Variants in PPP3CC observed in about 807,000 individuals in gnomAD.
PPP3CC encodes the protein serine/threonine-protein phosphatase 2B catalytic subunit gamma isoform.
PPP3CC carries 35 observed loss-of-function variants against 60.3 expected under a neutral mutation model. That is an observed-to-expected ratio of 0.58 (90% CI 0.44 to 0.77). PPP3CC has a LOEUF of 0.77. Among genes scored for constraint, PPP3CC ranks in the 30% least tolerant of loss-of-function variants. PPP3CC has a pLI of 0.00. For synonymous variants in PPP3CC, 206 were observed against 224.3 expected (o/e 0.92, Z 0.73); for missense variants, 570 against 628.9 (o/e 0.91, Z 1.00).
intron 4 of PPP3CC, among the ~76,000 whole-genome samples, chr8:22,509,802 AT>A (rs1179088394): frequency 6.6e-6 from 1 of 152,172 alleles, no homozygotes; most frequent in Non-Finnish European, 1.5e-5. Context: ...CCTGGGCTCA[AT>A]CTATCCTCCC....
At chr8:22,489,564 C>CAT (rs957245092) in intron 3 of PPP3CC, among the ~76,000 whole-genome samples, 56 of 142,404 alleles carry the variant, frequency 3.9e-4, no homozygotes, top group African/African-American at 8.2e-4. Context: ...AGAGGTACAG[C>CAT]ATATATATAT....
At chr8:22,528,677 TAA>T (rs2117137729) in intron 10 of PPP3CC, 100 bp downstream of exon 10, 1 of 885,400 alleles carries the variant, frequency 1.1e-6, no homozygotes, top group African/African-American at 1.7e-5. Context: ...TTATTAAAAA[TAA>T]AGTTAGTTCA....
chr8:22,475,516 T>C lies in PPP3CC; in HGVS notation c.264T>C (p.His88=). The C allele has an allele frequency of 8.7e-6, 14 of 1,610,386 alleles. No homozygotes were observed. The highest frequency in any genetic ancestry group is 1.2e-5 in the Non-Finnish European group (14 of 1,177,878). ...DAPITVCGDI[H]GQFFDLMKLF... is the part of the protein sequence containing the mutation. ...TTTTCCTAGTATGTGGTGATATTCA[T>C]GGACAATTCTTTGACCTAATGAAGT... Residue 88 remains histidine, a synonymous_variant, in exon 3 of 14, where the codon CAT becomes CAC. Coordinates refer to ENST00000240139, the MANE Select transcript of PPP3CC (RefSeq NM_005605.5).
At chr8:22,536,293 AG>A (rs1291992233) in intron 12 of PPP3CC, among the ~76,000 whole-genome samples, 1 of 152,220 alleles carries the variant, frequency 6.6e-6, no homozygotes, top group Admixed American at 6.5e-5. Flanking sequence ...AGATATTCCG[AG>A]AGCAACTCTG....
At chr8:22,516,842 C>T (rs992850933) in intron 6 of PPP3CC, among the ~76,000 whole-genome samples, 1 of 152,000 alleles carries the variant, frequency 6.6e-6, no homozygotes, top group African/African-American at 2.4e-5. Flanking sequence ...TGTGGTATGT[C>T]TTACAGAGAA....
At chr8:22,450,148 C>T (rs1047382239) in intron 1 of PPP3CC, among the ~76,000 whole-genome samples, 3 of 152,038 alleles carry the variant, frequency 2.0e-5, no homozygotes, top group Non-Finnish European at 4.4e-5. Context: ...GGATTACAGG[C>T]GTGAGCCACC....
rs1839844042 is a variant in PPP3CC at position 22,536,316 on chromosome 8, A to G, written c.1322-3153A>G. 2.0e-5 allele frequency among the ~76,000 whole-genome samples: 3 copies of G among 152,238 alleles called. No individual in the cohort carries two copies. The South Asian group carries it at 6.2e-4, about 32-fold the overall frequency. The stretch of plus-strand genomic sequence containing the variant: ...CGAGAGCAACTCTGACAACAAAGAT[A>G]GAGTAATAGGCAGTAACATGAGTTA... On this transcript the variant is annotated intron_variant, in intron 12 of 13. Transcript: ENST00000240139.
At chr8:22,464,331 A>G (rs886393531) in intron 1 of PPP3CC, among the ~76,000 whole-genome samples, 7 of 152,196 alleles carry the variant, frequency 4.6e-5, no homozygotes, top group Non-Finnish European at 8.8e-5. Context: ...GCCATTTATT[A>G]TAAACCCAAA....
intron 8 of PPP3CC, among the ~76,000 whole-genome samples, chr8:22,524,979 C>G (rs1839500095): frequency 6.6e-6 from 1 of 152,118 alleles, no homozygotes; most frequent in African/African-American, 2.4e-5. Context: ...GTGACCCCAT[C>G]TTTACAAAGA....
intron 1 of PPP3CC, among the ~76,000 whole-genome samples, chr8:22,449,965 CA>C (rs1836959314): frequency 6.7e-6 from 1 of 150,028 alleles, no homozygotes; most frequent in Non-Finnish European, 1.5e-5. Context: ...CTCCCGGGTT[CA>C]AGTGATTATC....
intron 6 of PPP3CC, among the ~76,000 whole-genome samples, chr8:22,514,847 T>G (rs1489299121): frequency 6.6e-6 from 1 of 152,040 alleles, no homozygotes; most frequent in African/African-American, 2.4e-5. Context: ...GCCTGGCTAA[T>G]TTTTGTGTTT....
intron 4 of PPP3CC, among the ~76,000 whole-genome samples, chr8:22,508,587 G>T (rs1838993972): frequency 6.6e-6 from 1 of 152,090 alleles, no homozygotes; most frequent in Non-Finnish European, 1.5e-5. Context: ...GTAGGCTAAG[G>T]AATTATTTTG....
At chr8:22,527,721 C>A (rs1307797437) in intron 9 of PPP3CC, among the ~76,000 whole-genome samples, 1 of 151,928 alleles carries the variant, frequency 6.6e-6, no homozygotes. Flanking sequence ...CTACAACCTC[C>A]GCCTCCCAGG....
chr8:22,454,341 A>G (rs1837126518), intron 1 of PPP3CC, among the ~76,000 whole-genome samples: 1 of 152,182 alleles, frequency 6.6e-6, no homozygotes, highest in African/African-American at 2.4e-5. Context: ...GAAGGTCTTC[A>G]GGGGAATTAA....
chr8:22,455,561 G>C (rs1470572490), intron 1 of PPP3CC, among the ~76,000 whole-genome samples: 1 of 152,208 alleles, frequency 6.6e-6, no homozygotes, highest in Non-Finnish European at 1.5e-5. Flanking sequence ...GAGTAATAAA[G>C]ATAGTTGGTG....
chr8:22,447,164 G>A lies in PPP3CC; in HGVS notation c.49+5706G>A, dbSNP rs140819683. On this transcript the variant is annotated intron_variant, in intron 1 of 13. Transcript: ENST00000240139. ...AACCACAGGCATAGCATACGCCACC[G>A]TGTCCAACTAATTTTTTTTTTTTTT... 1.9e-3 allele frequency among the ~76,000 whole-genome samples: 290 copies of A among 148,800 alleles called. 1 individual carries two copies. Among genetic ancestry groups the A allele is most frequent in the Non-Finnish European group, 3.5e-3 (233 of 67,436 alleles).
At chr8:22,533,746 A>G (rs1839779416) in intron 12 of PPP3CC, among the ~76,000 whole-genome samples, 1 of 152,208 alleles carries the variant, frequency 6.6e-6, no homozygotes, top group African/African-American at 2.4e-5. Flanking sequence ...AATTGCTTGA[A>G]TCCGGGAGGC....
intron 10 of PPP3CC, chr8:22,531,469 C>T (rs1839714592): frequency 1.2e-6 from 1 of 855,614 alleles, no homozygotes; most frequent in South Asian, 1.6e-5. Flanking sequence ...TATGTTTTCT[C>T]TGGACCTGTT....
intron 1 of PPP3CC, among the ~76,000 whole-genome samples, chr8:22,472,713 T>G (rs182181617): frequency 1.3e-3 from 191 of 152,320 alleles, no homozygotes; most frequent in African/African-American, 4.3e-3. Flanking sequence ...TTTCTGTTTT[T>G]GGGGGTCCAT....
Sources: allele counts gnomAD v4.1 joint callset (sites outside exome capture counted in the v4.1 genomes callset), GRCh38; gene constraint gnomAD v4.1.1; transcripts MANE v1.5; gene names NCBI Gene and HGNC (gene_info 2026-07-23, HGNC 2026-07-21).